FHIT: variants seen among roughly 807,000 people sequenced by gnomAD.
FHIT encodes fragile histidine triad diadenosine triphosphatase.
FHIT carries 19 observed loss-of-function variants against 17.9 expected under a neutral mutation model. That is an observed-to-expected ratio of 1.06 (90% CI 0.74 to 1.56). FHIT has a LOEUF of 1.56. Among genes scored for constraint, FHIT ranks in the 40% most tolerant of loss-of-function variants. FHIT has a pLI of 0.00. For missense variants in FHIT, 248 were observed against 189.2 expected, an observed-to-expected ratio of 1.31 and a Z score of -1.82; for synonymous variants, 81 against 69.7, an observed-to-expected ratio of 1.16 and a Z score of -0.81.
intron 2 of FHIT, among the ~76,000 whole-genome samples, chr3:61,198,731 G>A (rs1415721572): frequency 1.3e-5 from 2 of 152,048 alleles, no homozygotes; most frequent in African/African-American, 4.8e-5. Flanking sequence ...TTACCTGAAA[G>A]TTACCTTTTC....
rs1017144875 is a variant in FHIT, at chr3:59,855,820, G to A, written c.348+66526C>T. Among the ~76,000 whole-genome samples the A allele has an allele frequency of 8.1e-5, 12 of 148,624 alleles. No homozygotes were observed. In the East Asian group the frequency reaches 9.8e-4, roughly 12 times the overall value. On this transcript the variant is annotated intron_variant, in intron 8 of 9. Transcript: ENST00000492590. ...TTTTGAGACGGAGTCTTGCCCTGTC[G>A]CTCAGTCTGGAGTGCAGTGGCACTA...
At chr3:60,248,234 A>G (rs1705505564) in intron 5 of FHIT, among the ~76,000 whole-genome samples, 1 of 152,124 alleles carries the variant, frequency 6.6e-6, no homozygotes, top group Non-Finnish European at 1.5e-5. Context: ...AAACCTTCAA[A>G]AGCTGATTTG....
intron 3 of FHIT, among the ~76,000 whole-genome samples, chr3:60,894,093 T>A (rs1705657964): frequency 6.6e-6 from 1 of 152,222 alleles, no homozygotes; most frequent in Non-Finnish European, 1.5e-5. Flanking sequence ...ACATTTAGCA[T>A]GCTTTTTATT....
rs115720098 is a variant in FHIT, at chr3:61,002,581, A to G, written c.-111+39466T>C. Among the ~76,000 whole-genome samples, 780 of 152,186 alleles carry G rather than the reference A, an allele frequency of 5.1e-3. 5 individuals are homozygous for G. Among genetic ancestry groups the G allele is most frequent in the African/African-American group, 0.018 (749 of 41,532 alleles). ...ATTAGCCACTGCACCTGGCCACTTT[A>G]TACCCTTTGATCAACATCTCCCCAT... On this transcript the variant is annotated intron_variant, in intron 3 of 9. Coordinates refer to ENST00000492590, the MANE Select transcript of FHIT (RefSeq NM_002012.4).
chr3:60,928,014 C>A (rs1020230373), intron 3 of FHIT, among the ~76,000 whole-genome samples: 16 of 152,188 alleles, frequency 1.1e-4, no homozygotes, highest in Non-Finnish European at 2.2e-4. Context: ...TTACTCCCAA[C>A]CCAGTGCTCT....
chr3:60,601,592 C>T (rs1017526491), intron 4 of FHIT, among the ~76,000 whole-genome samples: 1 of 152,050 alleles, frequency 6.6e-6, no homozygotes, highest in Non-Finnish European at 1.5e-5. Flanking sequence ...ATAAAACACC[C>T]ATCTTAATAG....
At chr3:61,230,880 T>C (rs1291701864) in intron 1 of FHIT, among the ~76,000 whole-genome samples, 2 of 152,202 alleles carry the variant, frequency 1.3e-5, no homozygotes, top group East Asian at 3.9e-4. Flanking sequence ...TAAATTTGAT[T>C]CCTACACTAA....
intron 5 of FHIT, among the ~76,000 whole-genome samples, chr3:60,533,985 G>A (rs535925997): frequency 3.2e-4 from 49 of 152,248 alleles, no homozygotes; most frequent in African/African-American, 1.1e-3. Context: ...GCAGGCAGGA[G>A]AGAACACTGG....
intron 1 of FHIT, among the ~76,000 whole-genome samples, chr3:61,204,680 T>G (rs2039151665): frequency 1.3e-5 from 2 of 152,146 alleles, no homozygotes; most frequent in Non-Finnish European, 2.9e-5. Context: ...AGAAACAAAT[T>G]TAAACATAAG....
At chr3:61,086,116 C>A (rs1277013100) in intron 2 of FHIT, among the ~76,000 whole-genome samples, 3 of 152,078 alleles carry the variant, frequency 2.0e-5, no homozygotes, top group Non-Finnish European at 4.4e-5. Context: ...TCTACATTCA[C>A]CAGGACTTCC....
At position 60,502,250 on chromosome 3, in the gene FHIT, C is replaced by G. The variant is rs530164005; in HGVS notation, c.103+34610G>C. 2.6e-5 allele frequency among the ~76,000 whole-genome samples: 4 copies of G among 152,148 alleles called. No individual in the cohort carries two copies. The South Asian group carries it at 8.3e-4, about 32-fold the overall frequency. On this transcript the variant is annotated intron_variant, in intron 5 of 9. Coordinates refer to ENST00000492590, the MANE Select transcript of FHIT (RefSeq NM_002012.4). ...CTTCTAAGTTATTAATCCCAGCAGC[C>G]TGGGAAAGATTACTAAGGCTTTGAA...
At chr3:60,153,340 G>T (rs555087052) in intron 5 of FHIT, among the ~76,000 whole-genome samples, 23 of 123,544 alleles carry the variant, frequency 1.9e-4, no homozygotes, top group African/African-American at 7.1e-4. Context: ...TGAAAGAAAG[G>T]TAACTTTCAC....
rs201900127 is a variant in FHIT at position 60,614,821 on chromosome 3, T to G, written c.-17-77842A>C. ...AATTGCAAAAGTTGTTTTTTTTTTG[T>G]TTTTTTTTTGTTTTTTTTTTGTTTT... On this transcript the variant is annotated intron_variant, in intron 4 of 9. Coordinates refer to ENST00000492590, the MANE Select transcript of FHIT (RefSeq NM_002012.4). Among the ~76,000 whole-genome samples the G allele has an allele frequency of 2.6e-4, 20 of 78,198 alleles. 1 individual carries two copies. Among genetic ancestry groups the G allele is most frequent in the South Asian group, 7.3e-4 (2 of 2,756 alleles). 51.3% of individuals were successfully genotyped at this position (78,198 alleles called of 152,430 possible). A position where few individuals can be genotyped will look rare whatever the true frequency, so the allele number is the denominator to read the frequency against.
intron 3 of FHIT, among the ~76,000 whole-genome samples, chr3:60,898,534 A>G (rs1705943506): frequency 6.6e-6 from 1 of 152,184 alleles, no homozygotes. Flanking sequence ...CTGATTTAGC[A>G]AGACTAAACA....
At chr3:60,409,473 C>A (rs1169623461) in intron 5 of FHIT, among the ~76,000 whole-genome samples, 1 of 152,194 alleles carries the variant, frequency 6.6e-6, no homozygotes, top group African/African-American at 2.4e-5. Context: ...TTTACTTTAA[C>A]TGTGAATCTG....
chr3:60,561,897 A>G (rs2036962412), intron 4 of FHIT, among the ~76,000 whole-genome samples: 1 of 151,940 alleles, frequency 6.6e-6, no homozygotes, highest in Non-Finnish European at 1.5e-5. Flanking sequence ...AAAGAAAAGA[A>G]AAAAAAAGAA....
chr3:60,284,257 T>C (rs532610140), intron 5 of FHIT, among the ~76,000 whole-genome samples: 2 of 152,302 alleles, frequency 1.3e-5, no homozygotes, highest in South Asian at 4.1e-4. Flanking sequence ...ATCGTAACAG[T>C]ACAATGTGTG....
intron 5 of FHIT, among the ~76,000 whole-genome samples, chr3:60,205,225 T>C (rs1311395454): frequency 6.6e-6 from 1 of 152,152 alleles, no homozygotes; most frequent in African/African-American, 2.4e-5. Flanking sequence ...TGAATTAGAT[T>C]TATACAGTAG....
chr3:61,123,559 T>C (rs1425860343), intron 2 of FHIT, among the ~76,000 whole-genome samples: 2 of 151,866 alleles, frequency 1.3e-5, no homozygotes, highest in South Asian at 2.1e-4. Flanking sequence ...TATTAAGTGA[T>C]AAGATGTTAA....
Sources: gnomAD v4.1 joint callset for allele counts (sites outside exome capture counted in the v4.1 genomes callset) on GRCh38, gnomAD v4.1.1 for gene constraint, MANE v1.5 for transcripts, NCBI Gene and HGNC (gene_info 2026-07-23, HGNC 2026-07-21) for gene names.